The following AP1S3 variants were observed in gnomAD, a reference collection of about 807,000 sequenced individuals.
AP1S3 encodes the protein adaptor related protein complex 1 subunit sigma 3.
In AP1S3, 10 loss-of-function variants were observed where a neutral mutation model predicts 20.9. The ratio of observed to expected loss-of-function variants is 0.48; its 90% CI spans 0.29 to 0.81. AP1S3 has a LOEUF of 0.81. Among genes scored for constraint, AP1S3 ranks in the 30% least tolerant of loss-of-function variants. The probability of loss-of-function intolerance (pLI) is 0.08; values close to 1 mark genes in which losing one functional copy is unlikely to be tolerated. For missense variants in AP1S3, 154 were observed against 183.8 expected, an observed-to-expected ratio of 0.84 and a Z score of 0.94; for synonymous variants, 41 against 61.5, an observed-to-expected ratio of 0.67 and a Z score of 1.56.
chr2:223,758,256 T>C lies in AP1S3; in HGVS notation c.*459A>G. ...CTAGCATTACATATAAACTCTGCACTATTAACATAATTTTGAATTATTATA... is the reference window on the plus strand; with the variant it reads ...CTAGCATTACATATAAACTCTGCACCATTAACATAATTTTGAATTATTATA... On this transcript the variant is annotated 3_prime_UTR_variant, in exon 5 of 5. Coordinates refer to ENST00000396654, the MANE Select transcript of AP1S3 (RefSeq NM_001039569.2). 1 of 977,050 alleles carries C rather than the reference T, an allele frequency of 1.0e-6. No individual in the cohort carries two copies. The highest frequency in any genetic ancestry group is 1.7e-5 in the African/African-American group (1 of 57,164). The allele number at this position is 977,050 out of a possible 1,614,324, so 60.5% of individuals were successfully genotyped here. A position where few individuals can be genotyped will look rare whatever the true frequency, so the allele number is the denominator to read the frequency against.
At position 223,829,836 on chromosome 2, in the gene AP1S3, C is replaced by A. The variant is rs369134379; in HGVS notation, c.3+7612G>T. On this transcript the variant is annotated intron_variant, in intron 1 of 4. Coordinates refer to ENST00000396654, the MANE Select transcript of AP1S3 (RefSeq NM_001039569.2). ...TGGGCAACAGAGTGAGACTCCATCT[C>A]AAAAAAAAACAAAAAAAAAACAAAA... Among the ~76,000 whole-genome samples the A allele has an allele frequency of 9.0e-3, 1,071 of 119,178 alleles. 13 individuals carry two copies. Among genetic ancestry groups the A allele is most frequent in the African/African-American group, 0.033 (1,029 of 30,862 alleles). The allele number at this position is 119,178 out of a possible 152,430, so 78.2% of individuals were successfully genotyped here.
At chr2:223,771,714 A>T (rs976730118) in intron 3 of AP1S3, among the ~76,000 whole-genome samples, 3 of 152,368 alleles carry the variant, frequency 2.0e-5, no homozygotes, top group African/African-American at 7.2e-5. Flanking sequence ...ACATGTACTT[A>T]TTAAATGATG....
At chr2:223,768,404 T>C (rs748611239) in intron 3 of AP1S3, among the ~76,000 whole-genome samples, 1 of 152,176 alleles carries the variant, frequency 6.6e-6, no homozygotes, top group Non-Finnish European at 1.5e-5. Flanking sequence ...CTCACTTACA[T>C]CTTCTGTGCA....
rs149029512 is a variant in AP1S3 at position 223,780,819 on chromosome 2, G to A, written c.4-2950C>T. ...TTCAATTTCTGTGTTAGATTCAGGA[G>A]TATATGTGTGCTTTTCTTACATGGG... On this transcript the variant is annotated intron_variant, in intron 1 of 4. Coordinates refer to ENST00000396654, the MANE Select transcript of AP1S3 (RefSeq NM_001039569.2). 2.6e-5 allele frequency among the ~76,000 whole-genome samples: 4 copies of A among 151,844 alleles called. No individual in the cohort carries two copies. In the East Asian group the frequency reaches 7.7e-4, roughly 29 times the overall value.
Position 223,756,558 on chromosome 2 carries a change from T to C in AP1S3, c.*2157A>G. ...TGAAGGTTAGCTAAAGTAAACACAG[T>C]GGTCAATCATACATGATAAACTTCA... On this transcript the variant is annotated 3_prime_UTR_variant, in exon 5 of 5. Coordinates refer to ENST00000396654, the MANE Select transcript of AP1S3 (RefSeq NM_001039569.2). The C allele has an allele frequency of 9.1e-6, 9 of 985,322 alleles. No individual in the cohort carries two copies. Among genetic ancestry groups the C allele is most frequent in the Non-Finnish European group, 1.1e-5 (9 of 829,890 alleles). 61.0% of individuals were successfully genotyped at this position (985,322 alleles called of 1,614,324 possible).
chr2:223,817,878 C>T (rs1691886294), intron 1 of AP1S3, among the ~76,000 whole-genome samples: 1 of 151,834 alleles, frequency 6.6e-6, no homozygotes, highest in Non-Finnish European at 1.5e-5. Context: ...AATATGATGA[C>T]CAAATAATAA....
chr2:223,834,150 C>T lies in AP1S3; in HGVS notation c.3+3298G>A, dbSNP rs563060059. 3.6e-3 allele frequency among the ~76,000 whole-genome samples: 546 copies of T among 152,142 alleles called. 1 individual carries two copies. The highest frequency in any genetic ancestry group is 6.4e-3 in the Non-Finnish European group (434 of 68,000). ...CTCAAATTCCTGACTTCAGGTGATC[C>T]GCCTGCCAATCCCAAAGACCTTTTT... On this transcript the variant is annotated intron_variant, in intron 1 of 4. Transcript: ENST00000396654.
chr2:223,832,135 CTGTGTGTGTGTGTGTGTGTGTGTG>C (rs774812162), intron 1 of AP1S3, among the ~76,000 whole-genome samples: 9 of 70,782 alleles, frequency 1.3e-4, no homozygotes, highest in Admixed American at 2.9e-4. Flanking sequence ...AGTTTTCTCT[CTGTGTGTGTGTGTGTGTGTGTGTG>C]TGTGTGTGTG....
intron 1 of AP1S3, among the ~76,000 whole-genome samples, chr2:223,780,300 TATATATATAGAGAGAGAGAGAGAGAGAG>T (rs1421587490): frequency 9.4e-5 from 5 of 53,014 alleles, no homozygotes; most frequent in African/African-American, 3.5e-4. Context: ...TATATATATA[TATATATATAGAGAGAGAGAGAGAGAGAG>T]AGAGAGAGAG....
intron 1 of AP1S3, among the ~76,000 whole-genome samples, chr2:223,821,890 A>G (rs1691994765): frequency 6.6e-6 from 1 of 151,972 alleles, no homozygotes; most frequent in African/African-American, 2.4e-5. Context: ...TGAGAGCCAG[A>G]AAGAGTTTTC....
At chr2:223,831,932 C>T (rs974963277) in intron 1 of AP1S3, among the ~76,000 whole-genome samples, 2 of 152,046 alleles carry the variant, frequency 1.3e-5, no homozygotes, top group African/African-American at 4.8e-5. Flanking sequence ...AAAAAATTAG[C>T]TGGGCATGGT....
At chr2:223,780,398 T>TGTGTGTG (rs1690915944) in intron 1 of AP1S3, among the ~76,000 whole-genome samples, 1 of 43,358 alleles carries the variant, frequency 2.3e-5, no homozygotes. Context: ...GTGTGTGTGT[T>TGTGTGTG]TTGTAGAGAC....
chr2:223,836,458 T>C (rs1391116931), intron 1 of AP1S3, among the ~76,000 whole-genome samples: 1 of 152,062 alleles, frequency 6.6e-6, no homozygotes, highest in East Asian at 1.9e-4. Flanking sequence ...CTGCACACCA[T>C]GCCGGGTGCA....
chr2:223,810,977 AAT>A (rs1691710633), intron 1 of AP1S3, among the ~76,000 whole-genome samples: 1 of 152,004 alleles, frequency 6.6e-6, no homozygotes, highest in South Asian at 2.1e-4. Flanking sequence ...TTTGTGATAA[AAT>A]ATACATAACA....
chr2:223,800,667 A>G (rs985232819), intron 1 of AP1S3, among the ~76,000 whole-genome samples: 5 of 152,242 alleles, frequency 3.3e-5, no homozygotes, highest in Non-Finnish European at 7.3e-5. Flanking sequence ...TTAGCAAACT[A>G]GGAAGAGAGA....
rs745424134 is a variant in AP1S3, at chr2:223,777,749, G to A, written c.124C>T (p.Arg42Cys). The A allele has an allele frequency of 1.4e-5, 22 of 1,613,970 alleles. No individual in the cohort carries two copies. The highest frequency in any genetic ancestry group is 5.0e-5 in the Admixed American group (3 of 59,998). ...TREIVQIILS[R>C]GHRTSSFVDW... ...ACAAAACTGCTTGTCCTGTGACCAC[G>A]GGAGAGAATAATCTGAACAATTTCC... The change falls in exon 2 of 5, where the codon CGT becomes TGT. Residue 42 changes from arginine (R) to cysteine (C), a missense_variant. Physicochemically the swap from Arg to Cys is radical, Grantham distance 180 (BLOSUM62 -3). Coordinates refer to ENST00000396654, the MANE Select transcript of AP1S3 (RefSeq NM_001039569.2).
intron 1 of AP1S3, among the ~76,000 whole-genome samples, chr2:223,814,441 G>T (rs1005011270): frequency 6.6e-6 from 1 of 152,170 alleles, no homozygotes; most frequent in African/African-American, 2.4e-5. Flanking sequence ...AATGACAAGG[G>T]GTTGGCCTTT....
rs1690185017 is a variant in AP1S3, at chr2:223,755,382, A to AT, written c.*3332dup. On this transcript the variant is annotated 3_prime_UTR_variant, in exon 5 of 5. Coordinates refer to ENST00000396654, the MANE Select transcript of AP1S3 (RefSeq NM_001039569.2). ...TTTGGAAGTTTTATAGAAATTTAAC[A>AT]TTTACTGTCTTTCTCTTGGTAGTTT... Among the ~76,000 whole-genome samples the AT allele has an allele frequency of 6.6e-6, 1 of 152,148 alleles. No homozygotes were observed. The highest frequency in any genetic ancestry group is 1.5e-5 in the Non-Finnish European group (1 of 68,036).
intron 1 of AP1S3, among the ~76,000 whole-genome samples, chr2:223,819,666 T>A (rs1051767134): frequency 6.6e-6 from 1 of 151,990 alleles, no homozygotes; most frequent in African/African-American, 2.4e-5. Flanking sequence ...AAAAAAAGAA[T>A]TTTGCATCCT....
Sources: allele counts gnomAD v4.1 joint callset (sites outside exome capture counted in the v4.1 genomes callset), GRCh38; gene constraint gnomAD v4.1.1; transcripts MANE v1.5; gene names NCBI Gene and HGNC (gene_info 2026-07-23, HGNC 2026-07-21).